The following NSL1 variants were observed in gnomAD, a reference collection of about 807,000 sequenced individuals.
NSL1 encodes the protein NSL1 component of MIS12 kinetochore complex.
NSL1 carries 11 observed loss-of-function variants against 25.4 expected under a neutral mutation model. The observed-to-expected ratio is 0.43, with a 90% CI of 0.27 to 0.72. NSL1 has a LOEUF of 0.72. NSL1 is among the 30% of genes least tolerant of loss of function. The probability of loss-of-function intolerance (pLI) is 0.19; values close to 1 mark genes in which losing one functional copy is unlikely to be tolerated. For synonymous variants in NSL1, 118 were observed against 120.6 expected, an observed-to-expected ratio of 0.98 and a Z score of 0.14; for missense variants, 330 against 342.7, an observed-to-expected ratio of 0.96 and a Z score of 0.29.
intron 4 of NSL1, among the ~76,000 whole-genome samples, chr1:212,764,677 C>T (rs1659716603): frequency 6.6e-6 from 1 of 151,494 alleles, no homozygotes; most frequent in Non-Finnish European, 1.5e-5. Flanking sequence ...GAAACCCTCT[C>T]TCTACTAAAA....
chr1:212,773,962 T>C (rs1021385229), intron 4 of NSL1, among the ~76,000 whole-genome samples: 1 of 151,772 alleles, frequency 6.6e-6, no homozygotes, highest in Admixed American at 6.6e-5. Flanking sequence ...AAAAATCTCA[T>C]GTTCTCACTC....
In NSL1 at chr1:212,734,377, G is replaced by A. The variant is rs1229564523; in HGVS notation, c.*4031C>T. Among the ~76,000 whole-genome samples, 1 of 152,144 alleles carries A rather than the reference G, an allele frequency of 6.6e-6. No individual in the cohort carries two copies. The highest frequency in any genetic ancestry group is 2.4e-5 in the African/African-American group (1 of 41,426). ...GCTGGAGACGCTCCTCAAATATTTG[G>A]TGAATCAGTTTTGTGCATTTTTAAA... is the stretch of plus-strand genomic sequence containing the variant. On this transcript the variant is annotated 3_prime_UTR_variant, in exon 6 of 6. Coordinates refer to ENST00000366977, the MANE Select transcript of NSL1 (RefSeq NM_015471.4).
At chr1:212,749,186 A>T (rs1658945000) in intron 4 of NSL1, among the ~76,000 whole-genome samples, 1 of 152,178 alleles carries the variant, frequency 6.6e-6, no homozygotes, top group Admixed American at 6.5e-5. Flanking sequence ...CACATACAAT[A>T]ATGAACAAAA....
chr1:212,768,036 AG>A (rs924362122), intron 4 of NSL1, among the ~76,000 whole-genome samples: 4 of 152,182 alleles, frequency 2.6e-5, no homozygotes, highest in African/African-American at 9.7e-5. Flanking sequence ...AACTAAAAGC[AG>A]GGCCGGGCAC....
chr1:212,787,814 C>T (rs757160815), intron 1 of NSL1, among the ~76,000 whole-genome samples, 177 bp from the exon 2 acceptor site: 25 of 152,106 alleles, frequency 1.6e-4, no homozygotes, highest in Non-Finnish European at 3.7e-4. Context: ...ATTCTACCTA[C>T]ATTTTGGGTC....
chr1:212,738,964 T>C (rs1427534197), intron 5 of NSL1, among the ~76,000 whole-genome samples: 2 of 152,170 alleles, frequency 1.3e-5, no homozygotes, highest in African/African-American at 2.4e-5. Context: ...ACTTTCACCA[T>C]GTTGGCCAGG....
chr1:212,762,682 T>C (rs771532629), intron 4 of NSL1, among the ~76,000 whole-genome samples: 7 of 152,142 alleles, frequency 4.6e-5, no homozygotes, highest in Non-Finnish European at 1.0e-4. Context: ...CATCCCCACC[T>C]GCAAGTCTGA....
Position 212,730,801 on chromosome 1 carries a change from T to C in NSL1, c.*7607A>G. 2 of 985,428 alleles carry C rather than the reference T, an allele frequency of 2.0e-6. No individual in the cohort carries two copies. Among genetic ancestry groups the C allele is most frequent in the East Asian group, 2.3e-4 (2 of 8,820 alleles). 61.0% of individuals were successfully genotyped at this position (985,428 alleles called of 1,614,324 possible). On this transcript the variant is annotated 3_prime_UTR_variant, in exon 6 of 6. Coordinates refer to ENST00000366977, the MANE Select transcript of NSL1 (RefSeq NM_015471.4). ...GTCCTAATTCAGGTCAGTTTCCCAG[T>C]GATCTGTCCTCAGTTTTTTACCTCT...
intron 1 of NSL1, 115 bp downstream of exon 1, chr1:212,791,415 A>G: frequency 2.2e-6 from 2 of 918,538 alleles, no homozygotes; most frequent in Non-Finnish European, 3.4e-6. Context: ...GTTCTACAGT[A>G]GCCTGGGGCA....
intron 4 of NSL1, among the ~76,000 whole-genome samples, chr1:212,752,162 A>AT (rs1659094288): frequency 1.3e-5 from 2 of 152,318 alleles, no homozygotes; most frequent in South Asian, 4.1e-4. Flanking sequence ...GATTTTCCTA[A>AT]TTTTTTCATC....
chr1:212,756,743 CT>C (rs1659328146), intron 4 of NSL1, among the ~76,000 whole-genome samples: 1 of 152,102 alleles, frequency 6.6e-6, no homozygotes, highest in Non-Finnish European at 1.5e-5. Flanking sequence ...TCACTTGAAC[CT>C]GGGAGGTGGA....
rs1461464079 is a variant in NSL1, at chr1:212,760,413, T to C, written c.500-20812A>G. On this transcript the variant is annotated intron_variant, in intron 4 of 5. Transcript: ENST00000366977. This position sits in a 1 kb window ranked among gnomAD's most constrained non-coding sequence, Gnocchi z 4.3. The stretch of plus-strand genomic sequence containing the variant: ...CACACTCAGCCATCAAGGGGCCTGA[T>C]AACAGGCCCAGCCAACATACTGCGG... Among the ~76,000 whole-genome samples, 1 of 152,012 alleles carries C rather than the reference T, an allele frequency of 6.6e-6. No homozygotes were observed. Among genetic ancestry groups the C allele is most frequent in the Non-Finnish European group, 1.5e-5 (1 of 67,984 alleles).
chr1:212,736,138 A>G lies in NSL1; in HGVS notation c.*2270T>C, dbSNP rs1272620510. 1 of 795,836 alleles carries G rather than the reference A, an allele frequency of 1.3e-6. No homozygotes were observed. Among genetic ancestry groups the G allele is most frequent in the African/African-American group, 1.9e-5 (1 of 53,358 alleles). The allele number at this position is 795,836 out of a possible 1,614,324, so 49.3% of individuals were successfully genotyped here. A position where few individuals can be genotyped will look rare whatever the true frequency, so the allele number is the denominator to read the frequency against. ...CTGCAACTTCTGCCTCCAGGGCTCA[A>G]GTGATCCTCTCATTTCAGCCTCCTG... On this transcript the variant is annotated 3_prime_UTR_variant, in exon 6 of 6. Coordinates refer to ENST00000366977, the MANE Select transcript of NSL1 (RefSeq NM_015471.4).
intron 4 of NSL1, among the ~76,000 whole-genome samples, chr1:212,761,656 A>G (rs1659571398): frequency 6.6e-6 from 1 of 152,096 alleles, no homozygotes. Context: ...AGAAAACATG[A>G]AATACCTGAA....
intron 4 of NSL1, among the ~76,000 whole-genome samples, chr1:212,777,804 T>C (rs1388243834): frequency 6.6e-6 from 1 of 152,202 alleles, no homozygotes; most frequent in Non-Finnish European, 1.5e-5. Flanking sequence ...AACACTTAAA[T>C]ATGGGTGGTG....
At chr1:212,770,016 CA>C (rs1370798284) in intron 4 of NSL1, among the ~76,000 whole-genome samples, 2 of 151,970 alleles carry the variant, frequency 1.3e-5, no homozygotes, top group African/African-American at 4.8e-5. Flanking sequence ...ATACTCCACA[CA>C]AATGGAAACC....
intron 4 of NSL1, among the ~76,000 whole-genome samples, chr1:212,755,840 A>G (rs983131503): frequency 6.6e-6 from 1 of 152,154 alleles, no homozygotes; most frequent in Non-Finnish European, 1.5e-5. Flanking sequence ...ACAATTTAAA[A>G]GATAACCACA....
chr1:212,770,629 A>C (rs1482155060), intron 4 of NSL1, among the ~76,000 whole-genome samples: 1 of 152,246 alleles, frequency 6.6e-6, no homozygotes, highest in East Asian at 1.9e-4. Flanking sequence ...AAGAAGAATT[A>C]ACATCAATTC....
chr1:212,762,023 C>T (rs1401781466), intron 4 of NSL1, among the ~76,000 whole-genome samples: 2 of 150,110 alleles, frequency 1.3e-5, no homozygotes, highest in South Asian at 2.1e-4. Flanking sequence ...TACAGCTGGG[C>T]GCGGTGGCTC....
Sources: allele counts gnomAD v4.1 joint callset (sites outside exome capture counted in the v4.1 genomes callset), GRCh38; gene constraint gnomAD v4.1.1; non-coding constraint Gnocchi (gnomAD v3.1); transcripts MANE v1.5; gene names NCBI Gene and HGNC (gene_info 2026-07-23, HGNC 2026-07-21).